FRMD1: variants seen among roughly 807,000 people sequenced by gnomAD.
FRMD1 encodes the protein FERM domain containing 1.
FRMD1 carries 51 observed loss-of-function variants against 54.9 expected under a neutral mutation model. The ratio of observed to expected loss-of-function variants is 0.93; its 90% CI spans 0.74 to 1.17. The LOEUF (loss-of-function observed/expected upper bound fraction) is 1.17, where lower values mean the gene tolerates loss of function less well. Ranked by LOEUF, FRMD1 falls within the 50% of genes most tolerant of loss-of-function variation. The pLI, the probability that FRMD1 is intolerant of heterozygous loss-of-function variation, is 0.00. For missense variants in FRMD1, 729 were observed against 743.0 expected, an observed-to-expected ratio of 0.98 and a Z score of 0.22; for synonymous variants, 324 against 306.4, an observed-to-expected ratio of 1.06 and a Z score of -0.60.
chr6:168,080,870 T>C (rs12525358), upstream of FRMD1, among the ~76,000 whole-genome samples: 131 of 150,028 alleles, frequency 8.7e-4, no homozygotes, highest in African/African-American at 2.4e-3. Flanking sequence ...TGTGTGCGGG[T>C]GCTGGTGTGT....
Position 168,060,918 on chromosome 6 carries a change from A to G in FRMD1, c.1185T>C (p.Ser395=). The G allele has an allele frequency of 6.2e-7, 1 of 1,613,760 alleles. No homozygotes were observed. The highest frequency in any genetic ancestry group is 8.5e-7 in the Non-Finnish European group (1 of 1,180,034). ...TGGCCTTGATGCCTGACGTGTAGGA[A>G]CTGCCGTGGCTGTCGGCGGAGTGGC... ...LSRHSADSHG[S]SYTSGIKANS... Residue 395 remains serine (S), a synonymous_variant, in exon 9 of 11, where the codon AGT becomes AGC. Coordinates refer to ENST00000283309, the MANE Select transcript of FRMD1 (RefSeq NM_024919.6).
At chr6:168,085,151 C>G (rs1800897094), upstream of FRMD1, among the ~76,000 whole-genome samples, 1 of 152,268 alleles carries the variant, frequency 6.6e-6, no homozygotes, top group African/African-American at 2.4e-5. Context: ...GTCCCTGAGC[C>G]AGGCAGTCAT....
intron 2 of FRMD1, among the ~76,000 whole-genome samples, chr6:168,068,129 A>T (rs1270896278): frequency 6.6e-6 from 1 of 152,152 alleles, no homozygotes; most frequent in Non-Finnish European, 1.5e-5. Context: ...TCAAGCAATC[A>T]ATCAATAAAA....
chr6:168,066,511 A>T, intron 4 of FRMD1: 2 of 1,260,796 alleles, frequency 1.6e-6, no homozygotes, highest in Non-Finnish European at 2.0e-6. Flanking sequence ...AACAAAACAA[A>T]ACAAAACAAA....
intron 2 of FRMD1, among the ~76,000 whole-genome samples, chr6:168,072,253 G>T (rs1800344855): frequency 6.6e-6 from 1 of 152,148 alleles, no homozygotes; most frequent in African/African-American, 2.4e-5. Context: ...CCAAGGAGCT[G>T]CCACTGGACC....
chr6:168,089,133 T>G (rs1583215486), intron 1 of FRMD1, among the ~76,000 whole-genome samples: 1 of 152,164 alleles, frequency 6.6e-6, no homozygotes, highest in South Asian at 2.1e-4. Flanking sequence ...CACTGGGTGG[T>G]GAGAGTGGGC....
At chr6:168,062,622 C>T (rs1452849989) in intron 7 of FRMD1, 6 of 1,509,748 alleles carry the variant, frequency 4.0e-6, no homozygotes, top group Non-Finnish European at 4.5e-6. Context: ...GAGGATGAAG[C>T]TGCATCTGCC....
intron 1 of FRMD1, among the ~76,000 whole-genome samples, chr6:168,090,055 A>G (rs1345797413): frequency 6.6e-6 from 1 of 151,970 alleles, no homozygotes; most frequent in Non-Finnish European, 1.5e-5. Flanking sequence ...CCCCGCGTCC[A>G]GACAGTGAGC....
intron 1 of FRMD1, among the ~76,000 whole-genome samples, chr6:168,089,930 G>A (rs571846916): frequency 6.2e-4 from 94 of 152,304 alleles, no homozygotes; most frequent in Non-Finnish European, 1.1e-3. Context: ...TTTAAGGGAC[G>A]TGCTGCCCTC....
At chr6:168,072,776 C>T (rs1012642041) in intron 2 of FRMD1, among the ~76,000 whole-genome samples, 6 of 151,802 alleles carry the variant, frequency 4.0e-5, no homozygotes, top group Admixed American at 1.3e-4. Context: ...AGGGTTGGGA[C>T]GCTTGAACTT....
At chr6:168,061,659 T>C (rs1799740767) in intron 8 of FRMD1, 148 bp downstream of exon 8, 1 of 871,030 alleles carries the variant, frequency 1.1e-6, no homozygotes, top group Non-Finnish European at 1.7e-6. Context: ...CACTTCGCCC[T>C]TCGACCTCAG....
intron 1 of FRMD1, among the ~76,000 whole-genome samples, chr6:168,091,524 C>A (rs866252628): frequency 6.6e-6 from 1 of 152,232 alleles, no homozygotes; most frequent in Non-Finnish European, 1.5e-5. Context: ...CAGGTTGGAT[C>A]TCCACTGGGC....
At chr6:168,064,809 C>G in intron 5 of FRMD1, 62 bp downstream of exon 5, 1 of 1,504,300 alleles carries the variant, frequency 6.6e-7, no homozygotes, top group Non-Finnish European at 8.9e-7. Flanking sequence ...ATGGATGGCA[C>G]CCGGTGGAGG....
In FRMD1 at chr6:168,061,015, T is replaced by C; in HGVS notation, c.1088A>G (p.Glu363Gly). ...GAAGCTCCTGCTGGCCAGGTCCAGC[T>C]CCAGCTCATCGCTGATATAGGACTC... ...YRESYISDEL[E>G]LDLASRSFPG... The change falls in exon 9 of 11, where the codon GAG becomes GGG. Residue 363 changes from glutamate (E) to glycine (G), a missense_variant. Physicochemically the swap from Glu to Gly is moderately conservative, Grantham distance 98. Transcript: ENST00000283309. 1 of 1,612,878 alleles carries C rather than the reference T, an allele frequency of 6.2e-7. No individual in the cohort carries two copies. The highest frequency in any genetic ancestry group is 8.5e-7 in the Non-Finnish European group (1 of 1,179,844).
Position 168,061,977 on chromosome 6 carries a change from T to C in FRMD1, c.875A>G (p.Lys292Arg). 6.3e-7 allele frequency: 1 copy of C among 1,593,558 alleles called. No individual in the cohort carries two copies. The highest frequency in any genetic ancestry group is 8.5e-7 in the Non-Finnish European group (1 of 1,170,498). ...ALRGVHIYQG[K>R]KLEIQLDGLP... ...CCCATCCAGCTGGATCTCCAGCTTC[T>C]TTCCCTGAGCAAACAGGAGAGAAGT... Residue 292 changes from lysine to arginine, a missense_variant, in exon 8 of 11, where the codon AAG becomes AGG. Physicochemically the swap from Lys to Arg is conservative, Grantham distance 26. Coordinates refer to ENST00000283309, the MANE Select transcript of FRMD1 (RefSeq NM_024919.6).
At chr6:168,082,703 C>T (rs1294658627), upstream of FRMD1, among the ~76,000 whole-genome samples, 9 of 152,218 alleles carry the variant, frequency 5.9e-5, no homozygotes, top group Non-Finnish European at 1.3e-4. Context: ...TACTGACCCC[C>T]TCTTCAGAAA....
intron 4 of FRMD1, chr6:168,065,667 C>T: frequency 9.1e-6 from 9 of 986,960 alleles, no homozygotes; most frequent in Non-Finnish European, 1.1e-5. Context: ...ACACACCCCT[C>T]ACTCTCCAGA....
At chr6:168,078,762 ATCCAGGGCCCTGCTCACC>A in intron 1 of FRMD1, 102 bp downstream of exon 1, 1 of 842,970 alleles carries the variant, frequency 1.2e-6, no homozygotes, top group Non-Finnish European at 1.5e-6. Flanking sequence ...TCCCAAGGCC[ATCCAGGGCCCTGCTCACC>A]CCCACGGCCA....
At chr6:168,073,952 G>A (rs191628724) in intron 2 of FRMD1, among the ~76,000 whole-genome samples, 64 of 152,184 alleles carry the variant, frequency 4.2e-4, no homozygotes, top group Non-Finnish European at 8.1e-4. Context: ...TTCAGCCACC[G>A]CTGGTCAGCA....
Sources: allele counts gnomAD v4.1 joint callset (sites outside exome capture counted in the v4.1 genomes callset), GRCh38; gene constraint gnomAD v4.1.1; transcripts MANE v1.5; gene names NCBI Gene and HGNC (gene_info 2026-07-23, HGNC 2026-07-21).